The following CPNE8 variants were observed in gnomAD, a reference collection of about 807,000 sequenced individuals.
CPNE8 encodes the protein copine-8.
A neutral mutation model predicts 81.5 loss-of-function variants in CPNE8; 45 were observed. The ratio of observed to expected loss-of-function variants is 0.55; its 90% CI spans 0.44 to 0.71. The LOEUF is 0.71. Among genes scored for constraint, CPNE8 ranks in the 30% least tolerant of loss-of-function variants. CPNE8 has a pLI of 0.00. For synonymous variants in CPNE8, 252 were observed against 226.3 expected, an observed-to-expected ratio of 1.11 and a Z score of -1.02; for missense variants, 594 against 672.1, an observed-to-expected ratio of 0.88 and a Z score of 1.28.
chr12:38,772,302 C>T (rs1941819186), intron 7 of CPNE8, among the ~76,000 whole-genome samples: 1 of 152,070 alleles, frequency 6.6e-6, no homozygotes, highest in South Asian at 2.1e-4. Flanking sequence ...CTCAGATATT[C>T]TTTTATTGCA....
intron 3 of CPNE8, among the ~76,000 whole-genome samples, chr12:38,857,458 A>G (rs1438746791): frequency 6.6e-6 from 1 of 152,180 alleles, no homozygotes; most frequent in Admixed American, 6.5e-5. Flanking sequence ...ACACTGAACT[A>G]CATTATAGTT....
chr12:38,704,826 G>GTACATATATGTGTATATATATATA, intron 13 of CPNE8, among the ~76,000 whole-genome samples: 1 of 50,200 alleles, frequency 2.0e-5, no homozygotes, highest in Non-Finnish European at 5.5e-5. Context: ...GTATGTATGT[G>GTACATATATGTGTATATATATATA]TATATATATA....
intron 10 of CPNE8, among the ~76,000 whole-genome samples, chr12:38,733,440 C>G (rs1719855): frequency 2.0e-5 from 3 of 151,610 alleles, no homozygotes; most frequent in African/African-American, 7.3e-5. Context: ...TACTGTAATA[C>G]TGAAACAATT....
chr12:38,710,008 G>A lies in CPNE8; in HGVS notation c.915-7087C>T, dbSNP rs145660668. Reference sequence around the variant, plus strand: ...AAAAATAACTGGAGACAAGAGATATGATCCCTCAACTCTTTATTCTTCAAC... The same window carrying A: ...AAAAATAACTGGAGACAAGAGATATAATCCCTCAACTCTTTATTCTTCAAC... On this transcript the variant is annotated intron_variant, in intron 13 of 19. Coordinates refer to ENST00000331366, the MANE Select transcript of CPNE8 (RefSeq NM_153634.3). Among the ~76,000 whole-genome samples the A allele has an allele frequency of 4.6e-3, 702 of 151,982 alleles. 4 individuals are homozygous for A. The highest frequency in any genetic ancestry group is 0.027 in the Middle Eastern group (8 of 294).
At chr12:38,734,191 C>T (rs1940901504) in intron 10 of CPNE8, among the ~76,000 whole-genome samples, 1 of 151,984 alleles carries the variant, frequency 6.6e-6, no homozygotes, top group Admixed American at 6.6e-5. Flanking sequence ...CCCCTCCGTA[C>T]CTGCTACACA....
intron 6 of CPNE8, among the ~76,000 whole-genome samples, chr12:38,784,145 C>A (rs961253303): frequency 2.0e-5 from 3 of 152,076 alleles, no homozygotes; most frequent in African/African-American, 7.2e-5. Flanking sequence ...AGAATTCTAT[C>A]AAATAAATGT....
chr12:38,883,220 A>G (rs770489002), intron 1 of CPNE8, among the ~76,000 whole-genome samples: 3 of 152,240 alleles, frequency 2.0e-5, no homozygotes, highest in Non-Finnish European at 2.9e-5. Context: ...AGAAAAGGCA[A>G]ACACTTGGAG....
rs373805383 is a variant in CPNE8 at position 38,807,684 on chromosome 12, A to G, written c.407+21695T>C. 9.3e-5 allele frequency among the ~76,000 whole-genome samples: 14 copies of G among 151,318 alleles called. No homozygotes were observed. In the East Asian group the frequency reaches 1.7e-3, roughly 19 times the overall value. ...ACCTAGGCATTACTATTCAGGACAT[A>G]GGCATGGGCAAGGACTTCATGTCTA... On this transcript the variant is annotated intron_variant, in intron 6 of 19. Coordinates refer to ENST00000331366, the MANE Select transcript of CPNE8 (RefSeq NM_153634.3).
chr12:38,776,638 T>A (rs1941944962), intron 6 of CPNE8, among the ~76,000 whole-genome samples: 1 of 152,060 alleles, frequency 6.6e-6, no homozygotes, highest in African/African-American at 2.4e-5. Context: ...TCAACATAAC[T>A]TTAAACATGT....
chr12:38,805,495 A>G (rs1318449179), intron 6 of CPNE8, among the ~76,000 whole-genome samples: 2 of 96,908 alleles, frequency 2.1e-5, no homozygotes, highest in East Asian at 8.8e-4. Flanking sequence ...GGAATATCAC[A>G]CTCTGGGGAC....
At chr12:38,850,082 A>G (rs1943621686) in intron 3 of CPNE8, among the ~76,000 whole-genome samples, 1 of 152,172 alleles carries the variant, frequency 6.6e-6, no homozygotes, top group Non-Finnish European at 1.5e-5. Flanking sequence ...GAATAAGAGT[A>G]TATACCCAAA....
At chr12:38,750,551 G>A (rs562381001) in intron 10 of CPNE8, among the ~76,000 whole-genome samples, 13 of 152,254 alleles carry the variant, frequency 8.5e-5, no homozygotes, top group East Asian at 5.8e-4. Flanking sequence ...TGTGAGACAC[G>A]GAGTCAAACG....
At chr12:38,777,888 T>C (rs979008921) in intron 6 of CPNE8, among the ~76,000 whole-genome samples, 1 of 152,172 alleles carries the variant, frequency 6.6e-6, no homozygotes, top group South Asian at 2.1e-4. Context: ...ACCTGAGCTC[T>C]GCCTCTTGTC....
At chr12:38,807,923 C>A (rs1401532954) in intron 6 of CPNE8, among the ~76,000 whole-genome samples, 3 of 151,462 alleles carry the variant, frequency 2.0e-5, no homozygotes, top group Non-Finnish European at 4.4e-5. Flanking sequence ...ACAAACAACC[C>A]CATCAAAAAG....
At chr12:38,874,751 C>T (rs1944043434) in intron 1 of CPNE8, among the ~76,000 whole-genome samples, 1 of 152,082 alleles carries the variant, frequency 6.6e-6, no homozygotes. Flanking sequence ...GACTTTCATT[C>T]CACTTAACCA....
rs1176118592 is a variant in CPNE8, at chr12:38,905,496, G to C, written c.39C>G (p.Asp13Glu). ...SRYNSTAGIG[D>E]LNQLSAAIPA... The stretch of plus-strand genomic sequence containing the variant: ...GGATGGCAGCGCTCAGCTGGTTCAA[G>C]TCCCCGATGCCCGCAGTGCTGTTGT... The change falls in exon 1 of 20, where the codon GAC becomes GAG. Residue 13 changes from aspartate to glutamate, a missense_variant. Transcript: ENST00000331366. 1 of 1,575,578 alleles carries C rather than the reference G, an allele frequency of 6.3e-7. No individual in the cohort carries two copies. Among genetic ancestry groups the C allele is most frequent in the Non-Finnish European group, 8.6e-7 (1 of 1,160,386 alleles).
At chr12:38,702,748 T>G in intron 14 of CPNE8, 127 bp downstream of exon 14, 2 of 507,342 alleles carry the variant, frequency 3.9e-6, no homozygotes, top group Non-Finnish European at 6.8e-6. Flanking sequence ...GAAAAAATTA[T>G]GTAAATTTTA....
At chr12:38,903,986 C>T (rs576526833) in intron 1 of CPNE8, among the ~76,000 whole-genome samples, 1 of 152,270 alleles carries the variant, frequency 6.6e-6, no homozygotes, top group African/African-American at 2.4e-5. Flanking sequence ...TAAAGGCTGT[C>T]CCCTACCCTC....
chr12:38,817,898 C>T (rs562564052), intron 6 of CPNE8, among the ~76,000 whole-genome samples: 11 of 152,174 alleles, frequency 7.2e-5, no homozygotes, highest in South Asian at 2.1e-4. Flanking sequence ...GCTGGGATTA[C>T]GGGCGTGAGC....
Sources: allele counts gnomAD v4.1 joint callset (sites outside exome capture counted in the v4.1 genomes callset), GRCh38; gene constraint gnomAD v4.1.1; transcripts MANE v1.5; gene names NCBI Gene and HGNC (gene_info 2026-07-23, HGNC 2026-07-21).